The following CEP63 variants were observed in gnomAD, a reference collection of about 807,000 sequenced individuals.
The protein encoded by CEP63 is centrosomal protein of 63 kDa.
CEP63 carries 84 observed loss-of-function variants against 89.1 expected under a neutral mutation model. The ratio of observed to expected loss-of-function variants is 0.94; its 90% CI spans 0.79 to 1.13. The LOEUF is 1.13. Ranked by LOEUF, CEP63 falls within the 50% of genes most tolerant of loss-of-function variation. CEP63 has a pLI of 0.00. For synonymous variants in CEP63, 267 were observed against 272.5 expected (o/e 0.98, Z 0.20); for missense variants, 838 against 813.3 (o/e 1.03, Z -0.37).
intron 3 of CEP63, among the ~76,000 whole-genome samples, chr3:134,525,214 G>A (rs1334235518): frequency 6.6e-6 from 1 of 152,124 alleles, no homozygotes; most frequent in East Asian, 1.9e-4. Context: ...ATTTCTGTGG[G>A]GTTAGGGGTG....
At chr3:134,750,863 A>G in the CEP63 span, among the ~76,000 whole-genome samples, 5 of 152,242 alleles carry the variant, frequency 3.3e-5, no homozygotes, top group African/African-American at 1.2e-4. Context: ...TGAAATTTCT[A>G]CAACATAACA....
chr3:134,673,474 A>G, the CEP63 span, among the ~76,000 whole-genome samples: 1 of 152,062 alleles, frequency 6.6e-6, no homozygotes, highest in African/African-American at 2.4e-5. Flanking sequence ...ACTACCTCCC[A>G]GGATTCTCTC....
the CEP63 span, among the ~76,000 whole-genome samples, chr3:134,682,201 A>C: frequency 6.6e-6 from 1 of 152,196 alleles, no homozygotes; most frequent in African/African-American, 2.4e-5. Flanking sequence ...GGTTTCATTT[A>C]GGAGCGGGTC....
the CEP63 span, among the ~76,000 whole-genome samples, chr3:134,737,758 G>A: frequency 6.6e-6 from 1 of 152,212 alleles, no homozygotes; most frequent in African/African-American, 2.4e-5. Context: ...GCAGCAGGGA[G>A]CCAGCTGGAA....
chr3:134,586,437 C>G (rs976301519), intron 10 of CEP63, among the ~76,000 whole-genome samples: 7 of 152,098 alleles, frequency 4.6e-5, no homozygotes, highest in Non-Finnish European at 8.8e-5. Flanking sequence ...GATTTTATTT[C>G]TCCTTCACTT....
chr3:134,665,873 A>G, the CEP63 span, among the ~76,000 whole-genome samples: 57 of 152,132 alleles, frequency 3.7e-4, no homozygotes, highest in African/African-American at 1.3e-3. Flanking sequence ...AAAGACACTA[A>G]GAATGAGGAT....
At chr3:134,663,459 G>T in the CEP63 span, among the ~76,000 whole-genome samples, 1 of 152,192 alleles carries the variant, frequency 6.6e-6, no homozygotes, top group African/African-American at 2.4e-5. Flanking sequence ...TAAGGCAGAG[G>T]CTGGGGGAGA....
At chr3:134,573,832 A>G (rs187343417) in intron 11 of CEP63, among the ~76,000 whole-genome samples, 1 of 152,130 alleles carries the variant, frequency 6.6e-6, no homozygotes, top group East Asian at 1.9e-4. Flanking sequence ...TACTTTTTGG[A>G]ATTTTGGAGA....
chr3:134,573,803 A>T (rs1376466243), intron 11 of CEP63, among the ~76,000 whole-genome samples: 1 of 151,972 alleles, frequency 6.6e-6, no homozygotes, highest in Non-Finnish European at 1.5e-5. Context: ...GGTAATATTA[A>T]TTTTTTTTAT....
the CEP63 span, among the ~76,000 whole-genome samples, chr3:134,642,286 G>A: frequency 1.3e-5 from 2 of 152,120 alleles, no homozygotes; most frequent in Non-Finnish European, 2.9e-5. Flanking sequence ...TTTCATATGG[G>A]GCATGGGGGA....
chr3:134,575,833 G>A (rs921738409), downstream of CEP63, among the ~76,000 whole-genome samples: 3 of 151,978 alleles, frequency 2.0e-5, no homozygotes, highest in African/African-American at 7.3e-5. Flanking sequence ...GGCTGGTCTC[G>A]AACTCCTGGG....
At chr3:134,536,072 G>A (rs1264818962) in intron 5 of CEP63, 2 of 151,872 alleles carry the variant, frequency 1.3e-5, no homozygotes, top group African/African-American at 4.8e-5. Context: ...CCAGAATATT[G>A]TAACTTCACC....
the CEP63 span, among the ~76,000 whole-genome samples, chr3:134,601,501 ATTTC>A: frequency 6.6e-6 from 1 of 152,220 alleles, no homozygotes; most frequent in Non-Finnish European, 1.5e-5. Context: ...AAACAAACAC[ATTTC>A]TTTAAGCCCA....
the CEP63 span, among the ~76,000 whole-genome samples, chr3:134,632,863 A>G: frequency 6.6e-6 from 1 of 152,152 alleles, no homozygotes; most frequent in Non-Finnish European, 1.5e-5. Context: ...TAGAATGACC[A>G]AGAAAAAAAA....
chr3:134,600,437 G>A, the CEP63 span, among the ~76,000 whole-genome samples: 2 of 152,310 alleles, frequency 1.3e-5, no homozygotes, highest in East Asian at 3.9e-4. Flanking sequence ...ATCTTAGCAG[G>A]CAGTGAGGAG....
rs985710894 is a variant in CEP63 at position 134,533,022 on chromosome 3, A to G, written c.441+122A>G. 14 of 992,058 alleles carry G rather than the reference A, an allele frequency of 1.4e-5. No homozygotes were observed. The African/African-American group carries it at 1.4e-4, about 10-fold the overall frequency. 61.5% of individuals were successfully genotyped at this position (992,058 alleles called of 1,614,324 possible). Reference sequence around the variant, plus strand: ...CTATCTTAAGGACTGCCACTAAGCTATTTCAGAGGTGAGAGGGTGATCCAC... The same window carrying G: ...CTATCTTAAGGACTGCCACTAAGCTGTTTCAGAGGTGAGAGGGTGATCCAC... On this transcript the variant is annotated intron_variant, in intron 5 of 14. Transcript: ENST00000675561.
At chr3:134,626,614 T>C in the CEP63 span, among the ~76,000 whole-genome samples, 1 of 152,140 alleles carries the variant, frequency 6.6e-6, no homozygotes, top group Non-Finnish European at 1.5e-5. Flanking sequence ...CTTAATCTGG[T>C]GCTATTAGAC....
At chr3:134,625,192 G>T in the CEP63 span, 1 of 1,389,062 alleles carries the variant, frequency 7.2e-7, no homozygotes, top group Non-Finnish European at 1.0e-6. Flanking sequence ...GGGCTGCCTG[G>T]CCTAGGCCTT....
the CEP63 span, among the ~76,000 whole-genome samples, chr3:134,725,908 C>T: frequency 6.6e-6 from 1 of 152,142 alleles, no homozygotes; most frequent in Non-Finnish European, 1.5e-5. Context: ...GAGGCCACAG[C>T]CACTAGAGCC....
Sources: gnomAD v4.1 joint callset for allele counts (sites outside exome capture counted in the v4.1 genomes callset) on GRCh38, gnomAD v4.1.1 for gene constraint, MANE v1.5 for transcripts, NCBI Gene and HGNC (gene_info 2026-07-23, HGNC 2026-07-21) for gene names.